SLC44A5: variants seen among roughly 807,000 people sequenced by gnomAD.
SLC44A5 encodes the protein solute carrier family 44 member 5.
SLC44A5 carries 57 observed loss-of-function variants against 101.8 expected under a neutral mutation model. The ratio of observed to expected loss-of-function variants is 0.56; its 90% CI spans 0.45 to 0.70. SLC44A5 has a LOEUF of 0.70. Ranked by LOEUF, SLC44A5 falls within the 30% of genes least tolerant of loss-of-function variation. The pLI is 0.00. For synonymous variants in SLC44A5, 281 were observed against 290.9 expected (o/e 0.97, Z 0.35); for missense variants, 737 against 853.1 (o/e 0.86, Z 1.70).
intron 5 of SLC44A5, among the ~76,000 whole-genome samples, chr1:75,279,086 A>T (rs1454369158): frequency 6.6e-6 from 1 of 152,068 alleles, no homozygotes; most frequent in Non-Finnish European, 1.5e-5. Context: ...CTATTTTGAA[A>T]TACACAATAA....
chr1:75,439,432 A>G (rs529050819), intron 2 of SLC44A5, among the ~76,000 whole-genome samples: 1 of 152,278 alleles, frequency 6.6e-6, no homozygotes, highest in East Asian at 1.9e-4. Context: ...TAAAAACTCA[A>G]TGGATCTAGG....
chr1:75,459,913 T>C (rs1206895829), intron 2 of SLC44A5, among the ~76,000 whole-genome samples: 3 of 152,160 alleles, frequency 2.0e-5, no homozygotes, highest in African/African-American at 7.2e-5. Context: ...CAGTTGGAAC[T>C]ACAGGAGGCA....
chr1:75,534,557 T>C (rs1670894769), intron 2 of SLC44A5, among the ~76,000 whole-genome samples: 2 of 152,344 alleles, frequency 1.3e-5, no homozygotes, highest in South Asian at 4.1e-4. Context: ...TTGGTTAGCC[T>C]GTTATTTTTC....
At chr1:75,211,679 T>C (rs1646856034) in intron 22 of SLC44A5, 127 bp from the exon 23 acceptor site, 2 of 610,132 alleles carry the variant, frequency 3.3e-6, no homozygotes, top group East Asian at 3.0e-5. Context: ...GAGTTCAGTA[T>C]AGAGACCAAA....
At chr1:75,289,420 A>G (rs894584898) in intron 5 of SLC44A5, among the ~76,000 whole-genome samples, 6 of 152,166 alleles carry the variant, frequency 3.9e-5, no homozygotes, top group Non-Finnish European at 8.8e-5. Context: ...TGAACACCCA[A>G]TGACATGAGC....
chr1:75,391,554 C>T (rs967599061), intron 3 of SLC44A5, among the ~76,000 whole-genome samples: 9 of 152,074 alleles, frequency 5.9e-5, no homozygotes, highest in Admixed American at 2.6e-4. Flanking sequence ...ATAGAGAACT[C>T]AGAAATAAAG....
intron 2 of SLC44A5, among the ~76,000 whole-genome samples, chr1:75,421,416 T>C (rs1199523024): frequency 6.6e-6 from 1 of 152,160 alleles, no homozygotes; most frequent in African/African-American, 2.4e-5. Flanking sequence ...GATTTTTATG[T>C]AGGCCATAAG....
chr1:75,469,574 T>C (rs1336139813), intron 2 of SLC44A5, among the ~76,000 whole-genome samples: 2 of 152,126 alleles, frequency 1.3e-5, no homozygotes, highest in South Asian at 2.1e-4. Context: ...CGGCGTATAA[T>C]GGAATAAAAA....
chr1:75,337,298 A>G (rs1277492276), intron 4 of SLC44A5, among the ~76,000 whole-genome samples: 1 of 152,216 alleles, frequency 6.6e-6, no homozygotes, highest in African/African-American at 2.4e-5. Context: ...TTCCTCAAAA[A>G]TAAGTGGGCT....
intron 2 of SLC44A5, among the ~76,000 whole-genome samples, chr1:75,406,991 G>C (rs756699455): frequency 2.0e-5 from 3 of 152,076 alleles, no homozygotes; most frequent in African/African-American, 4.8e-5. Flanking sequence ...TCCTTAAGCT[G>C]ATAAGCAACT....
intron 1 of SLC44A5, among the ~76,000 whole-genome samples, chr1:75,563,717 A>G (rs1240939247): frequency 6.6e-6 from 1 of 152,122 alleles, no homozygotes; most frequent in Non-Finnish European, 1.5e-5. Context: ...TGAAATTGTT[A>G]TATTTATAAG....
chr1:75,616,872 G>A, the SLC44A5 span, among the ~76,000 whole-genome samples: 2 of 152,200 alleles, frequency 1.3e-5, no homozygotes, highest in African/African-American at 4.8e-5. Context: ...GATGTTGGAG[G>A]AATTGGAAGC....
At chr1:75,553,264 T>C (rs990803487) in intron 1 of SLC44A5, among the ~76,000 whole-genome samples, 13 of 152,198 alleles carry the variant, frequency 8.5e-5, no homozygotes, top group South Asian at 4.1e-4. Flanking sequence ...TGCTAGGTTC[T>C]AAGGAGTACA....
the SLC44A5 span, among the ~76,000 whole-genome samples, chr1:75,646,875 C>T: frequency 6.6e-6 from 1 of 152,046 alleles, no homozygotes. Context: ...GCAAAGTGTT[C>T]AAGAGGTGAC....
At chr1:75,562,266 C>T (rs1269590445) in intron 1 of SLC44A5, among the ~76,000 whole-genome samples, 1 of 151,994 alleles carries the variant, frequency 6.6e-6, no homozygotes, top group Non-Finnish European at 1.5e-5. Context: ...CATCAGCACT[C>T]CTCTATGGAA....
Position 75,525,992 on chromosome 1 carries a change from G to A in SLC44A5, c.13+15443C>T, listed in dbSNP as rs76031529. Among the ~76,000 whole-genome samples, 133 of 152,256 alleles carry A rather than the reference G, an allele frequency of 8.7e-4. 2 individuals are homozygous for A. In the East Asian group the frequency reaches 0.011, roughly 12 times the overall value. On this transcript the variant is annotated intron_variant, in intron 2 of 23. Transcript: ENST00000370859. The stretch of plus-strand genomic sequence containing the variant: ...AATGGAAAAATATCCAAAAAGGTAC[G>A]TTTAATGTAATATATTTGAAGCAGT...
intron 3 of SLC44A5, among the ~76,000 whole-genome samples, chr1:75,346,385 A>G (rs1658258392): frequency 6.6e-6 from 1 of 152,172 alleles, no homozygotes; most frequent in Admixed American, 6.6e-5. Flanking sequence ...AATCATAAAC[A>G]ATTCAGTTAT....
At chr1:75,252,884 A>G (rs1649701000) in intron 6 of SLC44A5, among the ~76,000 whole-genome samples, 1 of 152,192 alleles carries the variant, frequency 6.6e-6, no homozygotes, top group Non-Finnish European at 1.5e-5. Flanking sequence ...GTGGAGGTGA[A>G]TCACCAGGGA....
chr1:75,399,815 T>C (rs1031722730), intron 2 of SLC44A5, among the ~76,000 whole-genome samples: 4 of 152,244 alleles, frequency 2.6e-5, no homozygotes, highest in African/African-American at 4.8e-5. Context: ...TTTGACTTTC[T>C]GTAATGCATG....
Sources: allele counts gnomAD v4.1 joint callset (sites outside exome capture counted in the v4.1 genomes callset), GRCh38; gene constraint gnomAD v4.1.1; transcripts MANE v1.5; gene names NCBI Gene and HGNC (gene_info 2026-07-23, HGNC 2026-07-21).